KCNH4: variants seen among roughly 807,000 people sequenced by gnomAD.
KCNH4 encodes voltage-gated delayed rectifier potassium channel KCNH4.
KCNH4 carries 33 observed loss-of-function variants against 90.7 expected under a neutral mutation model. The ratio of observed to expected loss-of-function variants is 0.36; its 90% CI spans 0.28 to 0.49. The LOEUF (loss-of-function observed/expected upper bound fraction) is 0.49. Ranked by LOEUF, KCNH4 falls within the 20% of genes least tolerant of loss-of-function variation. The probability of loss-of-function intolerance (pLI) is 0.98; values close to 1 mark genes in which losing one functional copy is unlikely to be tolerated. For missense variants in KCNH4, 1,044 were observed against 1,387.1 expected (o/e 0.75, Z 3.93); for synonymous variants, 551 against 581.7 (o/e 0.95, Z 0.76).
Position 42,177,340 on chromosome 17 carries a change from C to T in KCNH4, c.585+760G>A, listed in dbSNP as rs146638416. ...CTGGGATTACAGGCATCAGCCACTG[C>T]GCCTGGCCTCCAGATAATTTTTAAT... On this transcript the variant is annotated intron_variant, in intron 4 of 16. Transcript: ENST00000264661. 1.9e-3 allele frequency among the ~76,000 whole-genome samples: 286 copies of T among 151,512 alleles called. 1 individual carries two copies. Among genetic ancestry groups the T allele is most frequent in the Middle Eastern group, 0.014 (4 of 292 alleles).
At chr17:42,177,817 C>T (rs535331781) in intron 4 of KCNH4, among the ~76,000 whole-genome samples, 5 of 152,312 alleles carry the variant, frequency 3.3e-5, no homozygotes, top group Admixed American at 1.3e-4. Flanking sequence ...AACCCTATCA[C>T]CCCCGGGCAG....
intron 10 of KCNH4, among the ~76,000 whole-genome samples, chr17:42,166,086 G>C (rs1228630592): frequency 6.6e-6 from 1 of 152,126 alleles, no homozygotes; most frequent in Non-Finnish European, 1.5e-5. Flanking sequence ...GGGAAGGGTT[G>C]ATGGGTTGAG....
In KCNH4 at chr17:42,164,152, GA is replaced by G; in HGVS notation, c.2101del (p.Ser701ProfsTer127). ...TACCTGGGAGAGGCGAGGGGATCGG[GA>G]AAAGCGGCTGAGGCCCTGTGGGGAC... Reference protein sequence around the residue: ...GSDTSGLSRFSRSPRLSQPRS... With the variant: ...GSDTSGLSRFXRSPRLSQPRS... On this transcript the variant is annotated frameshift_variant, in exon 12 of 17. Transcript: ENST00000264661. LOFTEE classifies it high-confidence loss of function. 2 of 1,552,704 alleles carry G rather than the reference GA, an allele frequency of 1.3e-6. No individual in the cohort carries two copies. Among genetic ancestry groups the G allele is most frequent in the Admixed American group, 2.0e-5 (1 of 51,232 alleles).
chr17:42,179,622 AC>A (rs2144145465), intron 1 of KCNH4, among the ~76,000 whole-genome samples: 1 of 152,260 alleles, frequency 6.6e-6, no homozygotes, highest in Admixed American at 6.5e-5. Context: ...ATGACACCAC[AC>A]CCATTTATTG....
chr17:42,163,970 G>A lies in KCNH4; in HGVS notation c.2125-12C>T, dbSNP rs535248340. On this transcript the variant is annotated splice_polypyrimidine_tract_variant and intron_variant, in intron 12 of 16. Transcript: ENST00000264661. The surrounding 1 kb of genome is among the most constrained non-coding windows in gnomAD (Gnocchi z 5.4). Reference sequence around the variant, plus strand: ...CTTTCTGAGCGGGGCTGCGGGCAGAGGGGGCAGCTGATGTCGCAGGACAGT... The same window carrying A: ...CTTTCTGAGCGGGGCTGCGGGCAGAAGGGGCAGCTGATGTCGCAGGACAGT... 2 of 1,524,300 alleles carry A rather than the reference G, an allele frequency of 1.3e-6. No homozygotes were observed. The highest frequency in any genetic ancestry group is 2.4e-5 in the East Asian group (1 of 40,942). The allele number at this position is 1,524,300 out of a possible 1,614,324, so 94.4% of individuals were successfully genotyped here. A position where few individuals can be genotyped will look rare whatever the true frequency, so the allele number is the denominator to read the frequency against.
At chr17:42,161,533 G>C (rs971588267) in intron 15 of KCNH4, among the ~76,000 whole-genome samples, 1 of 152,230 alleles carries the variant, frequency 6.6e-6, no homozygotes, top group Non-Finnish European at 1.5e-5. Flanking sequence ...ACAGAGTTCA[G>C]ACATCTGGAT....
Position 42,169,553 on chromosome 17 carries a change from G to T in KCNH4, c.1514C>A (p.Pro505Gln), listed in dbSNP as rs370501052. The T allele has an allele frequency of 6.2e-7, 1 of 1,613,644 alleles. No homozygotes were observed. The highest frequency in any genetic ancestry group is 1.7e-5 in the Admixed American group (1 of 60,034). Reference protein sequence around the residue: ...LKDFIRVHRLPRPLKQRMLEY... With the variant: ...LKDFIRVHRLQRPLKQRMLEY... ...GAGCATGCGCTGCTTGAGCGGCCGC[G>T]GCAGGCGGTGCACACGGATGAAGTC... is the stretch of plus-strand genomic sequence containing the variant. The change falls in exon 9 of 17, where the codon CCG (proline) becomes CAG (glutamine). Residue 505 changes from proline to glutamine, a missense_variant. Transcript: ENST00000264661.
At chr17:42,164,355 G>A (rs2079771591) in intron 11 of KCNH4, among the ~76,000 whole-genome samples, 187 bp from the exon 12 acceptor site, 1 of 152,240 alleles carries the variant, frequency 6.6e-6, no homozygotes. Flanking sequence ...AGCAGCAAAA[G>A]ACCAAGGCCC....
intron 16 of KCNH4, among the ~76,000 whole-genome samples, chr17:42,159,265 G>A (rs2079729108): frequency 1.3e-5 from 2 of 152,210 alleles, no homozygotes; most frequent in African/African-American, 4.8e-5. Flanking sequence ...GACCTCAGGT[G>A]ATCCGCCTGC....
rs182741780 is a variant in KCNH4 at position 42,164,212 on chromosome 17, C to T, written c.2086-44G>A. ...GTTCAAGCTGATTCCTGCCTTCCCG[C>T]GGCCATAGCGCAGACCCTCCCTGTC... On this transcript the variant is annotated intron_variant, in intron 11 of 16. Transcript: ENST00000264661. 9.1e-5 allele frequency: 137 copies of T among 1,505,264 alleles called. No individual in the cohort carries two copies. In the African/African-American group the frequency reaches 1.6e-3, roughly 18 times the overall value. 93.2% of individuals were successfully genotyped at this position (1,505,264 alleles called of 1,614,324 possible).
At chr17:42,178,615 G>T in intron 2 of KCNH4, 138 bp from the exon 3 acceptor site, 5 of 1,241,714 alleles carry the variant, frequency 4.0e-6, no homozygotes, top group Non-Finnish European at 4.4e-6. Context: ...GATTCTGTCA[G>T]CCGATTCCTT....
rs766951782 is a variant in KCNH4, at chr17:42,178,203, G to A, written c.482C>T (p.Ala161Val). 2.5e-6 allele frequency: 4 copies of A among 1,614,134 alleles called. No individual in the cohort carries two copies. The highest frequency in any genetic ancestry group is 3.3e-5 in the Admixed American group (2 of 60,014). The change falls in exon 4 of 17, where the codon GCC becomes GTC. Residue 161 changes from alanine (A) to valine (V), a missense_variant. By Grantham distance (64) the Ala-to-Val change is moderately conservative. Coordinates refer to ENST00000264661, the MANE Select transcript of KCNH4 (RefSeq NM_012285.3). ...NHENSLGRRGATWKFRSARRR... is the reference protein window; with the variant it reads ...NHENSLGRRGVTWKFRSARRR... ...TCTGGCAGACCGAAATTTCCAGGTG[G>A]CTCCCCTTCTACCAAGGGAGTTTTC...
In KCNH4 at chr17:42,169,653, C is replaced by T; in HGVS notation, c.1414G>A (p.Gly472Arg). 2 of 1,613,916 alleles carry T rather than the reference C, an allele frequency of 1.2e-6. No individual in the cohort carries two copies. The highest frequency in any genetic ancestry group is 1.7e-6 in the Non-Finnish European group (2 of 1,179,984). Residue 472 changes from glycine (G) to arginine (R), a missense_variant, in exon 9 of 17, where the codon GGG becomes AGG. Transcript: ENST00000264661. ...IGALMHAVVF[G>R]NVTAIIQRMY... ...CGCTGGATGATGGCTGTCACGTTCC[C>T]GAACACCACAGCGTGCATCAGGGCT... is the stretch of plus-strand genomic sequence containing the variant.
chr17:42,181,094 T>G lies in KCNH4; in HGVS notation c.-149A>C, dbSNP rs544815151. On this transcript the variant is annotated 5_prime_UTR_variant, in exon 1 of 17. Coordinates refer to ENST00000264661, the MANE Select transcript of KCNH4 (RefSeq NM_012285.3). ...TACTGCCGCTGCCGCTGCCGCTGCC[T>G]CTGCTCCGAACCCCGTAGCTCTCGG... The G allele has an allele frequency of 3.3e-5, 22 of 665,034 alleles. No individual in the cohort carries two copies. In the South Asian group the frequency reaches 3.9e-4, roughly 12 times the overall value. The allele number at this position is 665,034 out of a possible 1,614,324, so 41.2% of individuals were successfully genotyped here. A position where few individuals can be genotyped will look rare whatever the true frequency, so the allele number is the denominator to read the frequency against.
chr17:42,169,401 G>A (rs2079810096), intron 9 of KCNH4, 76 bp downstream of exon 9: 4 of 1,356,074 alleles, frequency 2.9e-6, no homozygotes, highest in African/African-American at 1.4e-5. Context: ...TAAGCTACAG[G>A]GGCAGCGACT....
At chr17:42,175,967 G>T in intron 5 of KCNH4, 87 bp downstream of exon 5, 1 of 1,444,696 alleles carries the variant, frequency 6.9e-7, no homozygotes, top group Non-Finnish European at 9.4e-7. Context: ...GAATGTCTGG[G>T]TCATGTGGGC....
At position 42,163,809 on chromosome 17, in the gene KCNH4, C is replaced by T. The variant is rs2079766626; in HGVS notation, c.2274G>A (p.Leu758=). The part of the protein sequence containing the change: ...NLSPARPRGS[L]VSLLGEELPP... ...GCAGCTCCTCGCCCAAAAGGCTGACCAGGGAGCCCCGAGGCCGTGCTGGGC... is the reference window on the plus strand; with the variant it reads ...GCAGCTCCTCGCCCAAAAGGCTGACTAGGGAGCCCCGAGGCCGTGCTGGGC... Residue 758 remains leucine, a synonymous_variant, in exon 13 of 17, where the codon CTG becomes CTA. Transcript: ENST00000264661. The surrounding 1 kb of genome is among the most constrained non-coding windows in gnomAD (Gnocchi z 5.4). The T allele has an allele frequency of 6.5e-7, 1 of 1,529,452 alleles. No individual in the cohort carries two copies. Among genetic ancestry groups the T allele is most frequent in the Non-Finnish European group, 8.8e-7 (1 of 1,138,900 alleles). The allele number at this position is 1,529,452 out of a possible 1,614,324, so 94.7% of individuals were successfully genotyped here. A position where few individuals can be genotyped will look rare whatever the true frequency, so the allele number is the denominator to read the frequency against.
intron 10 of KCNH4, among the ~76,000 whole-genome samples, chr17:42,166,056 T>G (rs1247438512): frequency 6.6e-6 from 1 of 151,708 alleles, no homozygotes; most frequent in African/African-American, 2.4e-5. Flanking sequence ...AAGGATCAAT[T>G]GAGCTGGGGG....
intron 9 of KCNH4, among the ~76,000 whole-genome samples, chr17:42,168,727 C>T (rs1343813870): frequency 6.6e-6 from 1 of 151,966 alleles, no homozygotes; most frequent in East Asian, 1.9e-4. Flanking sequence ...CCCCCCGGGC[C>T]CTGTTTGCCT....
Sources: gnomAD v4.1 joint callset for allele counts (sites outside exome capture counted in the v4.1 genomes callset) on GRCh38, gnomAD v4.1.1 for gene constraint, Gnocchi (gnomAD v3.1) non-coding constraint, MANE v1.5 for transcripts, NCBI Gene and HGNC (gene_info 2026-07-23, HGNC 2026-07-21) for gene names.